The following METTL13 variants were observed in gnomAD, a reference collection of about 807,000 sequenced individuals.
METTL13 encodes the protein methyltransferase 13, eEF1A N-terminus and K55, also known as eEF1A lysine and N-terminal methyltransferase.
In METTL13, 52 loss-of-function variants were observed where a neutral mutation model predicts 67.4. That is an observed-to-expected ratio of 0.77 (90% CI 0.62 to 0.97). The LOEUF is 0.97. Ranked by LOEUF, METTL13 falls within the 50% of genes least tolerant of loss-of-function variation. The probability of loss-of-function intolerance (pLI) is 0.00; values close to 1 mark genes in which losing one functional copy is unlikely to be tolerated. For synonymous variants in METTL13, 354 were observed against 353.6 expected, an observed-to-expected ratio of 1.00 and a Z score of -0.01; for missense variants, 825 against 889.6, an observed-to-expected ratio of 0.93 and a Z score of 0.92.
chr1:171,782,101 A>T lies in METTL13; in HGVS notation c.134A>T (p.Tyr45Phe), dbSNP rs749159712. 3 of 1,613,922 alleles carry T rather than the reference A, an allele frequency of 1.9e-6. No homozygotes were observed. Among genetic ancestry groups the T allele is most frequent in the Non-Finnish European group, 2.5e-6 (3 of 1,179,914 alleles). ...GAACTGTGCGGGGTGCTACATAAAT[A>T]TATCAAGCCCAGGGAAAAGGTGAGG... is the stretch of plus-strand genomic sequence containing the variant. ...YLELCGVLHKYIKPREKVLVI... is the reference protein window; with the variant it reads ...YLELCGVLHKFIKPREKVLVI... The change falls in exon 1 of 8, where the codon TAT (tyrosine) becomes TTT (phenylalanine). Residue 45 changes from tyrosine (Y) to phenylalanine (F), a missense_variant. Tyr to Phe is a conservative substitution (Grantham distance 22). Transcript: ENST00000361735.
intron 5 of METTL13, among the ~76,000 whole-genome samples, chr1:171,791,481 G>T (rs1443073447): frequency 6.6e-6 from 1 of 152,112 alleles, no homozygotes; most frequent in Non-Finnish European, 1.5e-5. Flanking sequence ...TTATAGTGAA[G>T]AAGTCTTTTT....
In METTL13 at chr1:171,785,904, G is replaced by A. The variant is rs1322985354; in HGVS notation, c.939G>A (p.Trp313Ter). 1 of 1,613,330 alleles carries A rather than the reference G, an allele frequency of 6.2e-7. No homozygotes were observed. Among genetic ancestry groups the A allele is most frequent in the Non-Finnish European group, 8.5e-7 (1 of 1,179,994 alleles). Residue 313 changes from tryptophan to a stop codon, truncating the protein, a stop_gained, in exon 3 of 8, where the codon TGG (tryptophan) becomes TGA (stop). Coordinates refer to ENST00000361735, the MANE Select transcript of METTL13 (RefSeq NM_015935.5). LOFTEE classifies it high-confidence loss of function. Reference protein sequence around the residue: ...FIIPQGRETEWLFGMDEGRKQ... With the variant: ...FIIPQGRETE ...TCCCTCAGGGCCGGGAGACCGAGTG[G>A]CTCTTTGGCATGGATGAGGGCCGGA... is the stretch of plus-strand genomic sequence containing the variant.
chr1:171,796,536 T>C lies in METTL13; in HGVS notation c.1880T>C (p.Leu627Pro). 5.0e-6 allele frequency: 8 copies of C among 1,614,222 alleles called. No homozygotes were observed. Among genetic ancestry groups the C allele is most frequent in the Non-Finnish European group, 6.8e-6 (8 of 1,180,044 alleles). ...CRDLGLKDSVLAGLKAVFPLL... is the reference protein window; with the variant it reads ...CRDLGLKDSVPAGLKAVFPLL... Reference sequence around the variant, plus strand: ...GACTTGGGGCTAAAAGACTCAGTGCTGGCTGGGCTCAAGGCAGTGTTCCCC... The same window carrying C: ...GACTTGGGGCTAAAAGACTCAGTGCCGGCTGGGCTCAAGGCAGTGTTCCCC... Residue 627 changes from leucine (L) to proline (P), a missense_variant, in exon 8 of 8, where the codon CTG becomes CCG. By Grantham distance (98) the Leu-to-Pro change is moderately conservative. Coordinates refer to ENST00000361735, the MANE Select transcript of METTL13 (RefSeq NM_015935.5).
At chr1:171,795,185 C>T (rs1482309186) in intron 7 of METTL13, among the ~76,000 whole-genome samples, 1 of 152,166 alleles carries the variant, frequency 6.6e-6, no homozygotes, top group Non-Finnish European at 1.5e-5. Context: ...GAGACTCATT[C>T]ACAGTGTTGT....
Position 171,794,481 on chromosome 1 carries a change from G to A in METTL13, c.1779G>A (p.Val593=). Residue 593 remains valine (V), a synonymous_variant, in exon 7 of 8, where the codon GTG becomes GTA. Coordinates refer to ENST00000361735, the MANE Select transcript of METTL13 (RefSeq NM_015935.5). ...LGMSCPPPAF[V]EQSFLQKVKS... The stretch of plus-strand genomic sequence containing the variant: ...TGAGTTGTCCGCCCCCAGCATTTGT[G>A]GAGCAATCTTTTCTACAGAAGGTTA... 6.2e-7 allele frequency: 1 copy of A among 1,614,182 alleles called. No homozygotes were observed. Among genetic ancestry groups the A allele is most frequent in the Non-Finnish European group, 8.5e-7 (1 of 1,180,026 alleles).
chr1:171,787,844 A>G lies in METTL13; in HGVS notation c.1223A>G (p.Lys408Arg), dbSNP rs775222517. 3 of 1,614,142 alleles carry G rather than the reference A, an allele frequency of 1.9e-6. No homozygotes were observed. The highest frequency in any genetic ancestry group is 1.7e-6 in the Non-Finnish European group (2 of 1,180,030). The change falls in exon 4 of 8, where the codon AAG (lysine) becomes AGG (arginine). Residue 408 changes from lysine to arginine, a missense_variant. Transcript: ENST00000361735. ...YVIEDVQGDD[K>R]RYFRRLIFLS... ...ATTGAGGATGTGCAAGGGGATGACA[A>G]GCGATACTTCCGTCGACTGATCTTC...
chr1:171,793,396 G>T (rs1211588931), intron 6 of METTL13, among the ~76,000 whole-genome samples: 1 of 152,198 alleles, frequency 6.6e-6, no homozygotes, highest in Non-Finnish European at 1.5e-5. Context: ...CTATAGATCA[G>T]TTTTCAATGG....
chr1:171,781,663 C>A lies in METTL13; in HGVS notation c.-305C>A. ...CCGACGAATCACGAGGCTTCGCACC[C>A]GGATATGGTTATGGGCTCGGAAATC... On this transcript the variant is annotated 5_prime_UTR_variant, in exon 1 of 8. Coordinates refer to ENST00000361735, the MANE Select transcript of METTL13 (RefSeq NM_015935.5). The A allele has an allele frequency of 1.4e-6, 1 of 712,646 alleles. No individual in the cohort carries two copies. Among genetic ancestry groups the A allele is most frequent in the Non-Finnish European group, 1.9e-6 (1 of 538,564 alleles). 44.1% of individuals were successfully genotyped at this position (712,646 alleles called of 1,614,324 possible).
chr1:171,791,916 A>G (rs1297458912), intron 5 of METTL13, 101 bp from the exon 6 acceptor site: 16 of 1,197,848 alleles, frequency 1.3e-5, no homozygotes, highest in Admixed American at 5.4e-5. Context: ...TATCCCCTGA[A>G]TGGAGACAGT....
At chr1:171,790,390 C>T (rs960806244) in intron 4 of METTL13, 62 bp from the exon 5 acceptor site, 1 of 1,416,458 alleles carries the variant, frequency 7.1e-7, no homozygotes, top group Non-Finnish European at 9.3e-7. Context: ...ACACTGCTGC[C>T]AGTAACCCTT....
At chr1:171,795,067 C>G (rs890948531) in intron 7 of METTL13, among the ~76,000 whole-genome samples, 4 of 152,198 alleles carry the variant, frequency 2.6e-5, no homozygotes, top group African/African-American at 4.8e-5. Flanking sequence ...CTCAAGCGAT[C>G]CTCCTACCTT....
chr1:171,787,366 A>C (rs946618521), intron 3 of METTL13, among the ~76,000 whole-genome samples: 1 of 151,904 alleles, frequency 6.6e-6, no homozygotes, highest in Non-Finnish European at 1.5e-5. Context: ...TCTTGTGTAG[A>C]TTCCTTCTCA....
At position 171,782,796 on chromosome 1, in the gene METTL13, A is replaced by AT. The variant is rs1287976640; in HGVS notation, c.153+677dup. 2.6e-5 allele frequency among the ~76,000 whole-genome samples: 4 copies of AT among 152,334 alleles called. No homozygotes were observed. In the East Asian group the frequency reaches 7.7e-4, roughly 29 times the overall value. On this transcript the variant is annotated intron_variant, in intron 1 of 7. Transcript: ENST00000361735. The stretch of plus-strand genomic sequence containing the variant: ...TCAGGCACTGCTCAGTCCTTAAACT[A>AT]TAAGAGCATTAAGACGTAAACCCTG...
At chr1:171,783,535 T>G (rs1406590977) in intron 1 of METTL13, among the ~76,000 whole-genome samples, 1 of 152,236 alleles carries the variant, frequency 6.6e-6, no homozygotes, top group African/African-American at 2.4e-5. Context: ...GTATTGTAGC[T>G]GAATGTGGTT....
At position 171,783,919 on chromosome 1, in the gene METTL13, T is replaced by G; in HGVS notation, c.333T>G (p.Pro111=). Residue 111 remains proline (P), a synonymous_variant, in exon 2 of 8, where the codon CCT becomes CCG. Transcript: ENST00000361735. ...LKMDMTQMEF[P]DASFQVVLDK... ...TGGACATGACGCAGATGGAGTTTCC[T>G]GATGCCTCGTTCCAGGTGGTGTTGG... 1 of 1,614,244 alleles carries G rather than the reference T, an allele frequency of 6.2e-7. No individual in the cohort carries two copies. Among genetic ancestry groups the G allele is most frequent in the Non-Finnish European group, 8.5e-7 (1 of 1,180,048 alleles).
intron 3 of METTL13, among the ~76,000 whole-genome samples, chr1:171,786,970 G>C (rs1657037146): frequency 6.6e-6 from 1 of 151,990 alleles, no homozygotes; most frequent in Non-Finnish European, 1.5e-5. Context: ...AAGAACCCAG[G>C]CTCCTGGGTT....
chr1:171,783,057 G>C (rs1241044037), intron 1 of METTL13, among the ~76,000 whole-genome samples: 2 of 133,978 alleles, frequency 1.5e-5, no homozygotes, highest in African/African-American at 5.5e-5. Flanking sequence ...GGCCCCGAGA[G>C]CCACTTTTTT....
chr1:171,783,330 T>C (rs963256275), intron 1 of METTL13, among the ~76,000 whole-genome samples: 5 of 152,186 alleles, frequency 3.3e-5, no homozygotes, highest in African/African-American at 1.2e-4. Flanking sequence ...AAAGTGTACT[T>C]TATTGTCTAA....
At chr1:171,786,112 C>G in intron 3 of METTL13, 34 bp downstream of exon 3, 1 of 1,586,996 alleles carries the variant, frequency 6.3e-7, no homozygotes, top group Non-Finnish European at 8.6e-7. Flanking sequence ...TCATGGGTCT[C>G]TGAAGTCATG....
Sources: allele counts gnomAD v4.1 joint callset (sites outside exome capture counted in the v4.1 genomes callset), GRCh38; gene constraint gnomAD v4.1.1; transcripts MANE v1.5; gene names NCBI Gene and HGNC (gene_info 2026-07-23, HGNC 2026-07-21).